The following CHLSN variants were observed in gnomAD, a reference collection of about 807,000 sequenced individuals.
CHLSN encodes cholesin, also known as protein cholesin.
chr7:1,087,426 A>G, the CHLSN span, among the ~76,000 whole-genome samples: 1 of 152,238 alleles, frequency 6.6e-6, no homozygotes, highest in African/African-American at 2.4e-5. Flanking sequence ...CTAAATACGA[A>G]ATTCATTTGT....
the CHLSN span, among the ~76,000 whole-genome samples, chr7:1,068,513 G>A: frequency 2.0e-5 from 3 of 152,256 alleles, no homozygotes; most frequent in Non-Finnish European, 2.9e-5. Flanking sequence ...TCAGTTCTCA[G>A]TGAAGGAAAT....
chr7:1,112,393 C>T, the CHLSN span, among the ~76,000 whole-genome samples: 391 of 152,346 alleles, frequency 2.6e-3, 1 homozygote, highest in African/African-American at 9.1e-3. Context: ...GCCCGGCCTC[C>T]ACCTGCTCAC....
chr7:1,132,691 C>G, the CHLSN span, among the ~76,000 whole-genome samples: 1 of 94,548 alleles, frequency 1.1e-5, no homozygotes, highest in Non-Finnish European at 1.9e-5. Context: ...GAGAACCTGT[C>G]TTTAAAAAAA....
the CHLSN span, among the ~76,000 whole-genome samples, chr7:992,587 T>C: frequency 1.3e-5 from 2 of 152,274 alleles, no homozygotes; most frequent in Admixed American, 1.3e-4. Context: ...GCGGGGGTCC[T>C]GGTTCAGATG....
At chr7:1,031,391 CG>C in the CHLSN span, among the ~76,000 whole-genome samples, 1 of 74,208 alleles carries the variant, frequency 1.3e-5, no homozygotes, top group African/African-American at 1.0e-4. Context: ...CAGAGTGGTC[CG>C]GGGGGGCAGA....
At chr7:1,058,025 TGTG>T in the CHLSN span, 1 of 769,684 alleles carries the variant, frequency 1.3e-6, no homozygotes, top group Non-Finnish European at 2.4e-6. Flanking sequence ...TCTGCAGCCA[TGTG>T]TCCACCCGCG....
the CHLSN span, chr7:1,127,129 C>A: frequency 9.0e-7 from 1 of 1,112,424 alleles, no homozygotes. Flanking sequence ...CCAAGCCCCA[C>A]CACGCCTCCG....
At chr7:1,099,518 TG>T in the CHLSN span, among the ~76,000 whole-genome samples, 1 of 152,276 alleles carries the variant, frequency 6.6e-6, no homozygotes, top group Admixed American at 6.5e-5. Flanking sequence ...GCTCACCGCC[TG>T]GTAAGTCGAG....
the CHLSN span, among the ~76,000 whole-genome samples, chr7:1,100,582 C>T: frequency 6.6e-6 from 1 of 152,326 alleles, no homozygotes; most frequent in East Asian, 1.9e-4. Context: ...GGCTGGAGGC[C>T]TTTGCTCCAG....
At chr7:1,121,967 C>T in the CHLSN span, among the ~76,000 whole-genome samples, 1 of 152,258 alleles carries the variant, frequency 6.6e-6, no homozygotes, top group Non-Finnish European at 1.5e-5. Context: ...GCTGCACACA[C>T]CCGAGGCCTT....
chr7:1,057,747 G>A, the CHLSN span: 75 of 775,454 alleles, frequency 9.7e-5, no homozygotes, highest in Middle Eastern at 2.3e-4. Context: ...GGTGCTCAGC[G>A]CCCTGGCCCC....
the CHLSN span, among the ~76,000 whole-genome samples, chr7:990,446 A>G: frequency 6.6e-6 from 1 of 151,990 alleles, no homozygotes; most frequent in Non-Finnish European, 1.5e-5. Flanking sequence ...AGCGCTGACC[A>G]TGCACGTGAG....
chr7:1,037,699 G>A, the CHLSN span, among the ~76,000 whole-genome samples: 311 of 97,498 alleles, frequency 3.2e-3, 4 homozygotes, highest in African/African-American at 0.011. Context: ...GTCTCTGCCT[G>A]GCCGCCCATC....
At chr7:1,136,079 T>C in the CHLSN span, among the ~76,000 whole-genome samples, 2 of 116,222 alleles carry the variant, frequency 1.7e-5, no homozygotes, top group African/African-American at 3.6e-5. Flanking sequence ...TATAAGTATA[T>C]ATAAATTTAT....
the CHLSN span, among the ~76,000 whole-genome samples, chr7:1,003,049 G>A: frequency 2.9e-5 from 1 of 34,944 alleles, no homozygotes. Flanking sequence ...TCCTGTGGGT[G>A]AGTGGAGTCC....
the CHLSN span, among the ~76,000 whole-genome samples, chr7:1,094,002 G>C: frequency 6.6e-6 from 1 of 152,200 alleles, no homozygotes; most frequent in Non-Finnish European, 1.5e-5. Flanking sequence ...TGTCCAAAAT[G>C]CCGTGGGGGC....
At chr7:1,132,459 G>A in the CHLSN span, among the ~76,000 whole-genome samples, 1 of 152,154 alleles carries the variant, frequency 6.6e-6, no homozygotes, top group Non-Finnish European at 1.5e-5. Flanking sequence ...TTGGGAGGAT[G>A]AGATGGGAGG....
At chr7:1,083,367 G>A in the CHLSN span, among the ~76,000 whole-genome samples, 5 of 152,220 alleles carry the variant, frequency 3.3e-5, no homozygotes, top group South Asian at 2.1e-4. Context: ...GCTCAAGCCT[G>A]TAATCCCAGC....
At chr7:1,050,224 T>C in the CHLSN span, among the ~76,000 whole-genome samples, 177 of 152,304 alleles carry the variant, frequency 1.2e-3, 2 homozygotes, top group South Asian at 2.5e-3. Flanking sequence ...CAGTGACTCC[T>C]CAGGCACAGT....
Sources: allele counts gnomAD v4.1 joint callset (sites outside exome capture counted in the v4.1 genomes callset), GRCh38; gene constraint gnomAD v4.1.1; transcripts MANE v1.5; gene names NCBI Gene and HGNC (gene_info 2026-07-23, HGNC 2026-07-21).